Variants in OTOF observed in about 807,000 individuals in gnomAD.
OTOF encodes the protein otoferlin, also known as fer-1-like family member 2.
OTOF carries 218 observed loss-of-function variants against 236.8 expected under a neutral mutation model. That is an observed-to-expected ratio of 0.92 (90% CI 0.82 to 1.03). The LOEUF is 1.03. Among genes scored for constraint, OTOF ranks in the 50% least tolerant of loss-of-function variants. The probability of loss-of-function intolerance (pLI) is 0.00; values close to 1 mark genes in which losing one functional copy is unlikely to be tolerated. For synonymous variants in OTOF, 1,041 were observed against 1,072.5 expected (o/e 0.97, Z 0.57); for missense variants, 2,590 against 2,694.4 (o/e 0.96, Z 0.86).
intron 10 of OTOF, 131 bp downstream of exon 10, chr2:26,489,547 G>T: frequency 1.3e-6 from 1 of 797,416 alleles, no homozygotes; most frequent in Non-Finnish European, 2.2e-6. Flanking sequence ...GTCCCTACTT[G>T]CCCAGCCGTG....
chr2:26,503,762 C>G lies in OTOF; in HGVS notation c.583+10G>C. 1 of 1,612,536 alleles carries G rather than the reference C, an allele frequency of 6.2e-7. No individual in the cohort carries two copies. The highest frequency in any genetic ancestry group is 1.1e-5 in the South Asian group (1 of 91,052). On this transcript the variant is annotated intron_variant, in intron 6 of 46. Transcript: ENST00000272371. ...GCGGGGCTGCGGGGCTCACGCGGCA[C>G]CTGTCCTACCTGGTCTTTGGGGCTC...
chr2:26,461,164 C>A lies in OTOF; in HGVS notation c.5534-134G>T. 1.2e-6 allele frequency: 1 copy of A among 812,218 alleles called. No homozygotes were observed. Among genetic ancestry groups the A allele is most frequent in the South Asian group, 1.5e-5 (1 of 65,732 alleles). 50.3% of individuals were successfully genotyped at this position (812,218 alleles called of 1,614,324 possible). ...GAGCCCACATCTCATCCTCCTGCCT[C>A]ACTCCCAGCAACTGGCCTCAATGCA... On this transcript the variant is annotated intron_variant, in intron 43 of 46. Transcript: ENST00000272371. This position sits in a 1 kb window ranked among gnomAD's most constrained non-coding sequence, Gnocchi z 6.2.
chr2:26,508,057 T>C (rs1426341813), intron 5 of OTOF, among the ~76,000 whole-genome samples: 1 of 152,228 alleles, frequency 6.6e-6, no homozygotes, highest in Admixed American at 6.5e-5. Context: ...TGGATTATTC[T>C]GAAAGCTAAT....
chr2:26,476,752 G>A (rs539844960), intron 22 of OTOF, 139 bp downstream of exon 22: 19 of 375,392 alleles, frequency 5.1e-5, no homozygotes, highest in Middle Eastern at 8.8e-4. Context: ...CTTCCCCCAC[G>A]TCCTTCCCAT....
chr2:26,554,661 C>A (rs1002660175), intron 1 of OTOF, among the ~76,000 whole-genome samples: 1 of 151,090 alleles, frequency 6.6e-6, no homozygotes, highest in African/African-American at 2.5e-5. Context: ...GTGGTCATTC[C>A]AGGCAGAAGA....
intron 3 of OTOF, among the ~76,000 whole-genome samples, chr2:26,523,500 C>T (rs1192080938): frequency 6.6e-6 from 1 of 152,160 alleles, no homozygotes; most frequent in Non-Finnish European, 1.5e-5. Context: ...CCCACTCTCC[C>T]AGGCAGCTCC....
chr2:26,463,133 A>AGT (rs1370958639), intron 41 of OTOF, among the ~76,000 whole-genome samples: 1 of 151,908 alleles, frequency 6.6e-6, no homozygotes, highest in African/African-American at 2.4e-5. Flanking sequence ...TGTCCGTGGG[A>AGT]GTGCTATGCT....
In OTOF at chr2:26,476,313, G is replaced by A. The variant is rs1200275825; in HGVS notation, c.2681C>T (p.Pro894Leu). The A allele has an allele frequency of 6.2e-7, 1 of 1,602,644 alleles. No individual in the cohort carries two copies. The highest frequency in any genetic ancestry group is 1.1e-5 in the South Asian group (1 of 91,006). ...TGCCGAGCCGAAGCCCCGCTTCCCTGGCAGCTGGGGGTGGGCATGGGGTCA... is the reference window on the plus strand; with the variant it reads ...TGCCGAGCCGAAGCCCCGCTTCCCTAGCAGCTGGGGGTGGGCATGGGGTCA... ...AKVKTLFLKLPGKRGFGSAGW... is the reference protein window; with the variant it reads ...AKVKTLFLKLLGKRGFGSAGW... The change falls in exon 23 of 47, where the codon CCA (proline) becomes CTA (leucine). Residue 894 changes from proline (P) to leucine (L), a missense_variant. Around this residue, in one of 2 missense-constraint regions of OTOF, gnomAD observed 1,379 missense variants for 1,341.6 expected, o/e 1.03. Transcript: ENST00000272371.
chr2:26,506,105 T>G (rs1480251337), intron 5 of OTOF, among the ~76,000 whole-genome samples: 1 of 152,058 alleles, frequency 6.6e-6, no homozygotes, highest in Non-Finnish European at 1.5e-5. Flanking sequence ...AGGACAGGGG[T>G]GCTGGCTGTC....
At position 26,522,935 on chromosome 2, in the gene OTOF, C is replaced by T. The variant is rs139214401; in HGVS notation, c.228-3826G>A. On this transcript the variant is annotated intron_variant, in intron 3 of 46. Transcript: ENST00000272371. ...CTGTCTGGCCCCACGAGGGGCTGGG[C>T]GGCTGGGCAGAGCTAAGATCCCCAC... Among the ~76,000 whole-genome samples the T allele has an allele frequency of 3.9e-4, 59 of 152,358 alleles. No homozygotes were observed. In the East Asian group the frequency reaches 7.5e-3, roughly 19 times the overall value.
At chr2:26,535,737 G>C (rs1393525533) in intron 2 of OTOF, among the ~76,000 whole-genome samples, 1 of 152,160 alleles carries the variant, frequency 6.6e-6, no homozygotes, top group Non-Finnish European at 1.5e-5. Flanking sequence ...CCTGCCTCTG[G>C]GATATCTCAA....
In OTOF at chr2:26,516,598, G is replaced by C; in HGVS notation, c.329C>G (p.Thr110Ser). ...ATACCGGACCTCCACGCACAGGCTG[G>C]TCTGAAGGGAGGGAGGCGGTGGTGA... is the stretch of plus-strand genomic sequence containing the variant. ...LIDDNNAIIK[T>S]SLCVEVRYQA... is the part of the protein sequence containing the mutation. The change falls in exon 5 of 47, where the codon ACC becomes AGC. Residue 110 changes from threonine to serine, a missense_variant and splice_region_variant. By Grantham distance (58) the Thr-to-Ser change is moderately conservative. Around this residue, in one of 2 missense-constraint regions of OTOF, gnomAD observed 1,379 missense variants for 1,341.6 expected, o/e 1.03. Coordinates refer to ENST00000272371, the MANE Select transcript of OTOF (RefSeq NM_194248.3). 6.2e-7 allele frequency: 1 copy of C among 1,604,860 alleles called. No individual in the cohort carries two copies. Among genetic ancestry groups the C allele is most frequent in the African/African-American group, 1.3e-5 (1 of 75,022 alleles).
At chr2:26,539,605 C>T (rs112344890) in intron 1 of OTOF, among the ~76,000 whole-genome samples, 2 of 152,096 alleles carry the variant, frequency 1.3e-5, no homozygotes, top group African/African-American at 4.8e-5. Flanking sequence ...TGTGGTGGCA[C>T]ATGCCTGTAA....
At chr2:26,519,582 G>GGATGGCAGGAACCTGTGT (rs1666625237) in intron 3 of OTOF, among the ~76,000 whole-genome samples, 1 of 152,166 alleles carries the variant, frequency 6.6e-6, no homozygotes, top group East Asian at 1.9e-4. Context: ...GTAAGTTCCT[G>GGATGGCAGGAACCTGTGT]GATGGCAGGA....
At chr2:26,518,879 T>A in intron 4 of OTOF, 131 bp downstream of exon 4, 1 of 730,636 alleles carries the variant, frequency 1.4e-6, no homozygotes, top group Non-Finnish European at 2.5e-6. Flanking sequence ...CTGACCTGAG[T>A]CTCCTCCTCC....
intron 4 of OTOF, among the ~76,000 whole-genome samples, chr2:26,517,284 C>A (rs1558510500): frequency 6.6e-6 from 1 of 152,198 alleles, no homozygotes; most frequent in African/African-American, 2.4e-5. Context: ...ACAGGGATCA[C>A]CCTTCCTCAC....
chr2:26,465,108 C>T, intron 38 of OTOF, 79 bp from the exon 39 acceptor site: 1 of 1,311,608 alleles, frequency 7.6e-7, no homozygotes. Context: ...GTGGCCAGTT[C>T]TCTAAAGTTG....
chr2:26,517,104 T>C (rs1445131220), intron 4 of OTOF, among the ~76,000 whole-genome samples: 1 of 152,156 alleles, frequency 6.6e-6, no homozygotes, highest in African/African-American at 2.4e-5. Flanking sequence ...CACTCACCCT[T>C]CCTACCCTGG....
At chr2:26,510,563 C>T (rs1666358425) in intron 5 of OTOF, 1 of 420,942 alleles carries the variant, frequency 2.4e-6, no homozygotes, top group African/African-American at 2.1e-5. Flanking sequence ...CCCTGGGCCT[C>T]CATGACCCGT....
Sources: allele counts gnomAD v4.1 joint callset (sites outside exome capture counted in the v4.1 genomes callset), GRCh38; gene constraint gnomAD v4.1.1; regional missense constraint gnomAD v4.1.1; non-coding constraint Gnocchi (gnomAD v3.1); transcripts MANE v1.5; gene names NCBI Gene and HGNC (gene_info 2026-07-23, HGNC 2026-07-21).